Variants in RANBP2 observed in about 807,000 individuals in gnomAD.
RANBP2 encodes the protein E3 SUMO-protein ligase RanBP2.
RANBP2 carries 57 observed loss-of-function variants against 303.6 expected under a neutral mutation model. The ratio of observed to expected loss-of-function variants is 0.19; its 90% CI spans 0.15 to 0.23. The LOEUF is 0.23. Among genes scored for constraint, RANBP2 ranks in the 10% least tolerant of loss-of-function variants. The pLI, the probability that RANBP2 is intolerant of heterozygous loss-of-function variation, is 1.00. For synonymous variants in RANBP2, 1,167 were observed against 1,301.5 expected, an observed-to-expected ratio of 0.90 and a Z score of 2.23; for missense variants, 3,138 against 3,780.8, an observed-to-expected ratio of 0.83 and a Z score of 4.46.
downstream of RANBP2, chr2:108,785,952 T>G (rs1678606944): frequency 6.6e-6 from 1 of 152,186 alleles, no homozygotes; most frequent in Non-Finnish European, 1.5e-5. Flanking sequence ...GAGATGCAGC[T>G]GACAGTCACA....
At chr2:109,346,403 A>G in the RANBP2 span, among the ~76,000 whole-genome samples, 3 of 152,166 alleles carry the variant, frequency 2.0e-5, no homozygotes, top group Non-Finnish European at 4.4e-5. Flanking sequence ...TTGTGCTTCT[A>G]TTGATTGATT....
At chr2:109,578,659 C>T in the RANBP2 span, among the ~76,000 whole-genome samples, 2 of 151,892 alleles carry the variant, frequency 1.3e-5, no homozygotes, top group Non-Finnish European at 2.9e-5. Context: ...CCCAGCTACT[C>T]GGGAGGCTGA....
At chr2:109,577,607 A>G in the RANBP2 span, among the ~76,000 whole-genome samples, 1 of 151,222 alleles carries the variant, frequency 6.6e-6, no homozygotes, top group Non-Finnish European at 1.5e-5. Flanking sequence ...TTAAAAAAAA[A>G]AAAAAGAAAA....
At chr2:109,640,843 G>A in the RANBP2 span, among the ~76,000 whole-genome samples, 13 of 152,170 alleles carry the variant, frequency 8.5e-5, no homozygotes, top group Non-Finnish European at 1.9e-4. Flanking sequence ...TAGCAGGAAG[G>A]ACCGAATCCT....
At chr2:109,286,346 G>A in the RANBP2 span, among the ~76,000 whole-genome samples, 4 of 152,310 alleles carry the variant, frequency 2.6e-5, no homozygotes, top group East Asian at 3.9e-4. Flanking sequence ...TGCTGCCCAC[G>A]CAGTGGTCAC....
the RANBP2 span, among the ~76,000 whole-genome samples, chr2:109,691,650 G>A: frequency 6.6e-6 from 1 of 152,184 alleles, no homozygotes; most frequent in Non-Finnish European, 1.5e-5. Context: ...GAAGGGGTAA[G>A]GAGGGGATAG....
At chr2:108,732,247 C>T (rs911149186) in intron 4 of RANBP2, among the ~76,000 whole-genome samples, 4 of 152,130 alleles carry the variant, frequency 2.6e-5, no homozygotes, top group African/African-American at 9.6e-5. Context: ...CAGGAAGTTG[C>T]AAAGATTGTA....
At chr2:109,117,916 C>T in the RANBP2 span, among the ~76,000 whole-genome samples, 11 of 152,322 alleles carry the variant, frequency 7.2e-5, no homozygotes, top group Admixed American at 2.6e-4. Context: ...GCTCTTGTAA[C>T]TGCCTTGAGG....
the RANBP2 span, chr2:109,614,817 G>A: frequency 8.9e-6 from 13 of 1,453,962 alleles, no homozygotes; most frequent in South Asian, 1.2e-4. Context: ...CGACGGCCCT[G>A]CCGGGCCCGA....
the RANBP2 span, among the ~76,000 whole-genome samples, chr2:109,417,271 C>T: frequency 1.3e-5 from 2 of 152,160 alleles, no homozygotes; most frequent in African/African-American, 2.4e-5. Flanking sequence ...CGTACTTGCC[C>T]TCCAGCCCCC....
the RANBP2 span, among the ~76,000 whole-genome samples, chr2:109,485,715 G>A: frequency 6.6e-6 from 1 of 152,280 alleles, no homozygotes; most frequent in African/African-American, 2.4e-5. Flanking sequence ...GGCTGTGTGT[G>A]TGACTGTGAG....
the RANBP2 span, among the ~76,000 whole-genome samples, chr2:109,415,044 C>T: frequency 2.6e-5 from 4 of 152,166 alleles, no homozygotes; most frequent in Non-Finnish European, 4.4e-5. Flanking sequence ...AAGGGGATGG[C>T]GTGGTGGAAG....
the RANBP2 span, among the ~76,000 whole-genome samples, chr2:109,734,389 C>G: frequency 6.6e-6 from 1 of 151,896 alleles, no homozygotes; most frequent in Admixed American, 6.6e-5. Flanking sequence ...TTTACAATAG[C>G]ATCTAAAAAA....
At chr2:108,742,356 T>C (rs1240260241) in intron 7 of RANBP2, among the ~76,000 whole-genome samples, 1 of 151,964 alleles carries the variant, frequency 6.6e-6, no homozygotes, top group Non-Finnish European at 1.5e-5. Flanking sequence ...CAGGCTGGAG[T>C]GCAGTGGCGC....
the RANBP2 span, among the ~76,000 whole-genome samples, chr2:109,602,195 C>G: frequency 6.6e-6 from 1 of 152,070 alleles, no homozygotes; most frequent in Non-Finnish European, 1.5e-5. Flanking sequence ...CCTTTCAACT[C>G]AGATTTTATG....
the RANBP2 span, among the ~76,000 whole-genome samples, chr2:109,370,755 C>A: frequency 6.6e-6 from 1 of 152,340 alleles, no homozygotes; most frequent in South Asian, 2.1e-4. Context: ...CGAAAGCCCG[C>A]CTTTCCTCCT....
the RANBP2 span, among the ~76,000 whole-genome samples, chr2:109,552,026 G>C: frequency 6.6e-6 from 1 of 152,322 alleles, no homozygotes; most frequent in African/African-American, 2.4e-5. Flanking sequence ...GGGCAAACAA[G>C]CATTACTGCC....
chr2:108,960,126 G>C, the RANBP2 span, among the ~76,000 whole-genome samples: 1 of 152,136 alleles, frequency 6.6e-6, no homozygotes, highest in Non-Finnish European at 1.5e-5. Flanking sequence ...GATAGTACAG[G>C]GTGCTAAGAG....
chr2:108,754,774 G>A (rs980408659), intron 15 of RANBP2, 131 bp from the exon 16 acceptor site: 5 of 1,216,264 alleles, frequency 4.1e-6, no homozygotes, highest in Non-Finnish European at 5.7e-6. Flanking sequence ...ACTTTCACGT[G>A]TATTATTTAA....
Sources: gnomAD v4.1 joint callset for allele counts (sites outside exome capture counted in the v4.1 genomes callset) on GRCh38, gnomAD v4.1.1 for gene constraint, MANE v1.5 for transcripts, NCBI Gene and HGNC (gene_info 2026-07-23, HGNC 2026-07-21) for gene names.